EYS: variants seen among roughly 807,000 people sequenced by gnomAD.
EYS encodes the protein protein eyes shut homolog.
EYS carries 250 observed loss-of-function variants against 282.1 expected under a neutral mutation model. The observed-to-expected ratio is 0.89, with a 90% CI of 0.80 to 0.98. The LOEUF is 0.98. Among genes scored for constraint, EYS ranks in the 50% least tolerant of loss-of-function variants. The pLI is 0.00. For synonymous variants in EYS, 1,355 were observed against 1,282.9 expected (o/e 1.06, Z -1.20); for missense variants, 4,016 against 3,709.0 (o/e 1.08, Z -2.15).
intron 22 of EYS, among the ~76,000 whole-genome samples, chr6:64,731,377 G>A (rs116066954): frequency 0.015 from 2,350 of 152,074 alleles, 60 homozygotes; most frequent in African/African-American, 0.053. Flanking sequence ...TACAGTGAAC[G>A]GGCAGCCTAC....
At chr6:64,924,545 G>A (rs1190096317) in intron 15 of EYS, among the ~76,000 whole-genome samples, 1 of 152,064 alleles carries the variant, frequency 6.6e-6, no homozygotes, top group Non-Finnish European at 1.5e-5. Flanking sequence ...CTTTTCTATT[G>A]CATAGTCAGG....
At chr6:64,851,795 A>G (rs932823064) in intron 19 of EYS, among the ~76,000 whole-genome samples, 2 of 151,978 alleles carry the variant, frequency 1.3e-5, no homozygotes, top group African/African-American at 4.8e-5. Context: ...GTGGCTTTTC[A>G]GAGGGTGGAG....
At chr6:65,671,451 T>G (rs1433711145) in intron 1 of EYS, among the ~76,000 whole-genome samples, 1 of 152,044 alleles carries the variant, frequency 6.6e-6, no homozygotes, top group Non-Finnish European at 1.5e-5. Context: ...TAATAAACTT[T>G]GAACAAAAAA....
chr6:65,702,456 C>T (rs1769710888), intron 1 of EYS, among the ~76,000 whole-genome samples: 1 of 152,090 alleles, frequency 6.6e-6, no homozygotes, highest in African/African-American at 2.4e-5. Flanking sequence ...TTTTGGGGGA[C>T]CCAGGTGAGT....
At chr6:65,703,678 A>G (rs2149854447) in intron 1 of EYS, among the ~76,000 whole-genome samples, 1 of 152,132 alleles carries the variant, frequency 6.6e-6, no homozygotes, top group South Asian at 2.1e-4. Context: ...ATAAATTAAT[A>G]CTTTGGAAGT....
At chr6:65,462,488 C>T (rs545973603) in intron 5 of EYS, among the ~76,000 whole-genome samples, 1 of 152,054 alleles carries the variant, frequency 6.6e-6, no homozygotes, top group South Asian at 2.1e-4. Context: ...TAAGTCTTTA[C>T]ATTGAACAAT....
intron 31 of EYS, among the ~76,000 whole-genome samples, chr6:64,083,169 A>G (rs1181406163): frequency 1.3e-5 from 2 of 152,136 alleles, no homozygotes; most frequent in Admixed American, 6.6e-5. Context: ...TTGGCCTCCC[A>G]AAGTGCTGGA....
At chr6:64,849,785 C>T (rs144600944) in intron 19 of EYS, among the ~76,000 whole-genome samples, 129 of 151,986 alleles carry the variant, frequency 8.5e-4, no homozygotes, top group African/African-American at 3.1e-3. Flanking sequence ...TGTGTACCTT[C>T]TCATGTAGTG....
At chr6:63,839,546 A>G (rs1284022794) in intron 36 of EYS, among the ~76,000 whole-genome samples, 1 of 152,176 alleles carries the variant, frequency 6.6e-6, no homozygotes, top group Non-Finnish European at 1.5e-5. Flanking sequence ...ACAGGGTCTC[A>G]CTATATGGCC....
intron 9 of EYS, among the ~76,000 whole-genome samples, chr6:65,347,789 C>T (rs890735706): frequency 4.0e-5 from 6 of 151,492 alleles, no homozygotes; most frequent in African/African-American, 1.5e-4. Flanking sequence ...TGCCTGTAGT[C>T]ACCCTGTGGT....
chr6:63,891,767 T>C (rs879530461), intron 35 of EYS, among the ~76,000 whole-genome samples: 1 of 152,188 alleles, frequency 6.6e-6, no homozygotes, highest in African/African-American at 2.4e-5. Context: ...ATAAAGGGTA[T>C]TCAAATAGGA....
intron 15 of EYS, among the ~76,000 whole-genome samples, chr6:64,933,686 A>G (rs1364770801): frequency 6.6e-6 from 1 of 152,186 alleles, no homozygotes; most frequent in Non-Finnish European, 1.5e-5. Context: ...ATCCACACGT[A>G]TGTTTATTGC....
At chr6:64,713,611 AATAAAGAACTATTTACCT>A (rs1164188091) in intron 22 of EYS, among the ~76,000 whole-genome samples, 2 of 152,140 alleles carry the variant, frequency 1.3e-5, no homozygotes, top group Admixed American at 1.3e-4. Flanking sequence ...GGGACTTAGA[AATAAAGAACTATTTACCT>A]ATAAATCTTG....
intron 12 of EYS, among the ~76,000 whole-genome samples, chr6:65,093,385 C>A (rs1305239807): frequency 6.6e-6 from 1 of 151,728 alleles, no homozygotes; most frequent in Non-Finnish European, 1.5e-5. Context: ...TACTGTAATA[C>A]CATAATGATA....
intron 21 of EYS, among the ~76,000 whole-genome samples, chr6:64,817,402 G>A (rs1764768718): frequency 6.6e-6 from 1 of 152,012 alleles, no homozygotes; most frequent in Non-Finnish European, 1.5e-5. Context: ...TGATATACAT[G>A]GCAGACAAAA....
At chr6:65,208,604 T>C (rs376832727) in intron 12 of EYS, among the ~76,000 whole-genome samples, 4 of 151,932 alleles carry the variant, frequency 2.6e-5, no homozygotes, top group African/African-American at 9.6e-5. Context: ...ATCTAAACCA[T>C]GAATACTATT....
chr6:65,671,679 A>G (rs1460776874), intron 1 of EYS, among the ~76,000 whole-genome samples: 2 of 152,082 alleles, frequency 1.3e-5, no homozygotes, highest in East Asian at 1.9e-4. Flanking sequence ...ACCAGCCAAG[A>G]GACTCCTATA....
chr6:65,668,695 A>C (rs1768280512), intron 1 of EYS, among the ~76,000 whole-genome samples: 2 of 151,860 alleles, frequency 1.3e-5, no homozygotes, highest in Admixed American at 1.3e-4. Context: ...CTTTCCATAC[A>C]ATATAAAGAT....
chr6:64,425,210 G>T (rs765138845), intron 28 of EYS, among the ~76,000 whole-genome samples: 44 of 152,120 alleles, frequency 2.9e-4, no homozygotes, highest in Non-Finnish European at 8.8e-5. Context: ...AAGAAGTCTG[G>T]ATTTTATTTT....
Sources: gnomAD v4.1 joint callset for allele counts (sites outside exome capture counted in the v4.1 genomes callset) on GRCh38, gnomAD v4.1.1 for gene constraint, MANE v1.5 for transcripts, NCBI Gene and HGNC (gene_info 2026-07-23, HGNC 2026-07-21) for gene names.